Variants in SEPTIN9 observed in about 807,000 individuals in gnomAD.
SEPTIN9 encodes the protein septin 9, also known as septin-9.
In SEPTIN9, 13 loss-of-function variants were observed where a neutral mutation model predicts 56.6. The observed-to-expected ratio is 0.23, with a 90% CI of 0.15 to 0.37. The LOEUF (loss-of-function observed/expected upper bound fraction) is 0.37, where lower values mean the gene tolerates loss of function less well. Among genes scored for constraint, SEPTIN9 ranks in the 10% least tolerant of loss-of-function variants. SEPTIN9 has a pLI of 1.00. For synonymous variants in SEPTIN9, 332 were observed against 334.1 expected (o/e 0.99, Z 0.07); for missense variants, 650 against 823.1 (o/e 0.79, Z 2.57).
intron 3 of SEPTIN9, among the ~76,000 whole-genome samples, chr17:77,457,411 C>T (rs1257323281): frequency 6.6e-6 from 1 of 152,216 alleles, no homozygotes; most frequent in African/African-American, 2.4e-5. Context: ...TCCCATCACT[C>T]TCACTGCTTG....
At chr17:77,284,705 C>A (rs1200754822) in intron 1 of SEPTIN9, among the ~76,000 whole-genome samples, 1 of 152,226 alleles carries the variant, frequency 6.6e-6, no homozygotes, top group Non-Finnish European at 1.5e-5. Context: ...TCTCAGCTTA[C>A]TGCAACCTCC....
At chr17:77,358,141 C>G (rs1016399909) in intron 2 of SEPTIN9, among the ~76,000 whole-genome samples, 1 of 152,178 alleles carries the variant, frequency 6.6e-6, no homozygotes, top group Non-Finnish European at 1.5e-5. Context: ...AGTCCCACTA[C>G]CCAGTGAATG....
At chr17:77,342,997 C>T (rs1598220683) in intron 2 of SEPTIN9, among the ~76,000 whole-genome samples, 1 of 123,648 alleles carries the variant, frequency 8.1e-6, no homozygotes, top group East Asian at 2.2e-4. Context: ...ATCTGTCTGT[C>T]TGTCTGTCTA....
chr17:77,473,571 C>G (rs909363606), intron 3 of SEPTIN9, among the ~76,000 whole-genome samples: 7 of 152,080 alleles, frequency 4.6e-5, no homozygotes, highest in Non-Finnish European at 1.0e-4. Context: ...ACGTGTGTGT[C>G]TGTCTGTCTG....
Position 77,462,610 on chromosome 17 carries a change from T to C in SEPTIN9, c.722-19534T>C, listed in dbSNP as rs541274133. Among the ~76,000 whole-genome samples the C allele has an allele frequency of 3.3e-5, 5 of 152,140 alleles. 1 individual carries two copies. The highest frequency in any genetic ancestry group is 1.2e-4 in the African/African-American group (5 of 41,504). ...AGGCCTGAACAGTTTTTATTTGTTT[T>C]GCTTGTTTTTTAAATTTGTTTGTTG... On this transcript the variant is annotated intron_variant, in intron 3 of 11. Coordinates refer to ENST00000427177, the MANE Select transcript of SEPTIN9 (RefSeq NM_001113491.2).
At chr17:77,420,261 G>T (rs184819240) in intron 3 of SEPTIN9, among the ~76,000 whole-genome samples, 34 of 152,292 alleles carry the variant, frequency 2.2e-4, no homozygotes, top group Admixed American at 1.5e-3. Flanking sequence ...GAAGCGGGCC[G>T]GACAGCCCGG....
Position 77,437,538 on chromosome 17 carries a change from C to T in SEPTIN9, c.721+34835C>T, listed in dbSNP as rs1447605773. On this transcript the variant is annotated intron_variant, in intron 3 of 11. Transcript: ENST00000427177. The surrounding 1 kb of genome is among the most constrained non-coding windows in gnomAD (Gnocchi z 5.3). ...AGGACCTCGAGAGGTCAGGAGGCTG[C>T]TCAAGACCTTCTGCCCCTCAGGGAC... is the stretch of plus-strand genomic sequence containing the variant. 6.6e-6 allele frequency among the ~76,000 whole-genome samples: 1 copy of T among 152,136 alleles called. No individual in the cohort carries two copies. The highest frequency in any genetic ancestry group is 1.5e-5 in the Non-Finnish European group (1 of 68,006).
chr17:77,493,765 C>CTTT (rs35829686), intron 10 of SEPTIN9, among the ~76,000 whole-genome samples: 43 of 111,480 alleles, frequency 3.9e-4, no homozygotes, highest in Non-Finnish European at 3.7e-4. Flanking sequence ...CCTCCTCTTC[C>CTTT]TTTTTTTTTT....
At chr17:77,413,796 GC>G (rs1402606970) in intron 3 of SEPTIN9, among the ~76,000 whole-genome samples, 2 of 151,940 alleles carry the variant, frequency 1.3e-5, no homozygotes, top group Non-Finnish European at 2.9e-5. Context: ...CTGGACTGCA[GC>G]CTCCAGAAAG....
intron 2 of SEPTIN9, among the ~76,000 whole-genome samples, chr17:77,315,587 C>T (rs1411948663): frequency 6.6e-6 from 1 of 152,098 alleles, no homozygotes; most frequent in Non-Finnish European, 1.5e-5. Flanking sequence ...CACCCGGCCA[C>T]GACCACCTAA....
At chr17:77,447,242 A>T (rs1483812131) in intron 3 of SEPTIN9, 2 of 166,570 alleles carry the variant, frequency 1.2e-5, no homozygotes, top group Non-Finnish European at 2.9e-5. Flanking sequence ...GACGGGCAGG[A>T]GTTGAAGGGG....
chr17:77,344,261 G>A (rs1277043284), intron 2 of SEPTIN9, among the ~76,000 whole-genome samples: 2 of 152,074 alleles, frequency 1.3e-5, no homozygotes, highest in African/African-American at 2.4e-5. Flanking sequence ...GAAGAGATGC[G>A]CAGTGTCACT....
At chr17:77,373,776 G>A (rs373395596) in intron 2 of SEPTIN9, 3 of 792,448 alleles carry the variant, frequency 3.8e-6, no homozygotes, top group East Asian at 6.8e-5. Flanking sequence ...TAGACCCTGC[G>A]CGCCCTCACA....
Position 77,435,261 on chromosome 17 carries a change from C to T in SEPTIN9, c.721+32558C>T, listed in dbSNP as rs758061981. On this transcript the variant is annotated intron_variant, in intron 3 of 11. Transcript: ENST00000427177. The surrounding 1 kb of genome is among the most constrained non-coding windows in gnomAD (Gnocchi z 4.5). The stretch of plus-strand genomic sequence containing the variant: ...CCCTAACCACTGTCATTTACCTCTT[C>T]GGCCAGCCCTCTGATTGCAAAACCT... Among the ~76,000 whole-genome samples the T allele has an allele frequency of 3.9e-5, 6 of 152,152 alleles. No individual in the cohort carries two copies. Among genetic ancestry groups the T allele is most frequent in the African/African-American group, 1.2e-4 (5 of 41,430 alleles).
chr17:77,285,228 C>T (rs2031221576), intron 1 of SEPTIN9, among the ~76,000 whole-genome samples: 1 of 151,970 alleles, frequency 6.6e-6, no homozygotes, highest in African/African-American at 2.4e-5. Flanking sequence ...TTGGGACTCC[C>T]TTTGCATACT....
Position 77,498,861 on chromosome 17 carries a change from G to A in SEPTIN9, c.*203G>A. 1.6e-6 allele frequency: 1 copy of A among 615,570 alleles called. No individual in the cohort carries two copies. Among genetic ancestry groups the A allele is most frequent in the Non-Finnish European group, 3.0e-6 (1 of 329,342 alleles). 38.1% of individuals were successfully genotyped at this position (615,570 alleles called of 1,614,324 possible). ...GGCCGCGGCCTCCCCGAGGTTGTGG[G>A]GAGGCTGCACTGGAGCCACAGGCAG... On this transcript the variant is annotated 3_prime_UTR_variant, in exon 12 of 12. Coordinates refer to ENST00000427177, the MANE Select transcript of SEPTIN9 (RefSeq NM_001113491.2).
At chr17:77,350,884 A>T (rs936937088) in intron 2 of SEPTIN9, among the ~76,000 whole-genome samples, 1 of 152,114 alleles carries the variant, frequency 6.6e-6, no homozygotes, top group Non-Finnish European at 1.5e-5. Flanking sequence ...ATCTTGTTTC[A>T]TGAAGCCTGA....
rs2036049717 is a variant in SEPTIN9 at position 77,405,849 on chromosome 17, C to T, written c.721+3146C>T. ...TTCCTTCAGGCCCATCCCCTTCTGC[C>T]CCTCCATGTGGGGCTGGGCTGGGAG... is the stretch of plus-strand genomic sequence containing the variant. On this transcript the variant is annotated intron_variant, in intron 3 of 11. Coordinates refer to ENST00000427177, the MANE Select transcript of SEPTIN9 (RefSeq NM_001113491.2). The surrounding 1 kb of genome is among the most constrained non-coding windows in gnomAD (Gnocchi z 5.8). Among the ~76,000 whole-genome samples, 1 of 152,280 alleles carries T rather than the reference C, an allele frequency of 6.6e-6. No individual in the cohort carries two copies. Among genetic ancestry groups the T allele is most frequent in the South Asian group, 2.1e-4 (1 of 4,816 alleles).
At chr17:77,302,378 G>A (rs2032087926) in intron 1 of SEPTIN9, among the ~76,000 whole-genome samples, 1 of 151,882 alleles carries the variant, frequency 6.6e-6, no homozygotes, top group Non-Finnish European at 1.5e-5. Flanking sequence ...ATTGGGGAAA[G>A]TCCATTAAGA....
Sources: allele counts gnomAD v4.1 joint callset (sites outside exome capture counted in the v4.1 genomes callset), GRCh38; gene constraint gnomAD v4.1.1; non-coding constraint Gnocchi (gnomAD v3.1); transcripts MANE v1.5; gene names NCBI Gene and HGNC (gene_info 2026-07-23, HGNC 2026-07-21).